DGKI: variants seen among roughly 807,000 people sequenced by gnomAD.
The protein encoded by DGKI is diacylglycerol kinase iota, also known as DAG kinase iota.
In DGKI, 55 loss-of-function variants were observed where a neutral mutation model predicts 147.5. The ratio of observed to expected loss-of-function variants is 0.37; its 90% confidence interval spans 0.30 to 0.47. DGKI has a LOEUF of 0.47. Ranked by LOEUF, DGKI falls within the 20% of genes least tolerant of loss-of-function variation. The pLI is 1.00. For synonymous variants in DGKI, 469 were observed against 477.1 expected, an observed-to-expected ratio of 0.98 and a Z score of 0.22; for missense variants, 1,007 against 1,323.8, an observed-to-expected ratio of 0.76 and a Z score of 3.71.
chr7:137,421,197 G>A (rs1328848170), intron 28 of DGKI, among the ~76,000 whole-genome samples: 1 of 152,020 alleles, frequency 6.6e-6, no homozygotes, highest in East Asian at 1.9e-4. Flanking sequence ...ATCTCACATG[G>A]CTACCTTCTC....
intron 1 of DGKI, among the ~76,000 whole-genome samples, chr7:137,693,427 T>C (rs1242966722): frequency 6.6e-6 from 1 of 152,186 alleles, no homozygotes; most frequent in Non-Finnish European, 1.5e-5. Context: ...AACTGTGAAA[T>C]AGATATGAAA....
Position 137,515,911 on chromosome 7 carries a change from G to A in DGKI, c.2248+5955C>T, listed in dbSNP as rs377025236. Among the ~76,000 whole-genome samples the A allele has an allele frequency of 9.9e-5, 15 of 152,158 alleles. No homozygotes were observed. The East Asian group carries it at 1.4e-3, about 14-fold the overall frequency. ...AAAGACAGTAAAAGAAACTAAGCAC[G>A]AAACTCTGGGTAAATGTCAAATCGT... On this transcript the variant is annotated intron_variant, in intron 21 of 32. Coordinates refer to ENST00000614521, the MANE Select transcript of DGKI (RefSeq NM_001321708.2).
intron 21 of DGKI, among the ~76,000 whole-genome samples, chr7:137,502,022 G>A (rs925847864): frequency 3.3e-5 from 5 of 152,128 alleles, no homozygotes; most frequent in South Asian, 2.1e-4. Context: ...TTAGCCTGTC[G>A]CCATTCACAT....
intron 1 of DGKI, among the ~76,000 whole-genome samples, chr7:137,776,670 G>A (rs75967976): frequency 0.013 from 2,031 of 152,228 alleles, 15 homozygotes; most frequent in Non-Finnish European, 0.021. Context: ...ATATAACCAC[G>A]CAATCGATCA....
intron 1 of DGKI, among the ~76,000 whole-genome samples, chr7:137,803,545 G>A (rs1303744233): frequency 6.6e-6 from 1 of 152,014 alleles, no homozygotes; most frequent in African/African-American, 2.4e-5. Flanking sequence ...TTTTCTTTAT[G>A]ATGTCTACTA....
intron 6 of DGKI, among the ~76,000 whole-genome samples, chr7:137,638,478 G>GTA (rs1160099687): frequency 1.6e-3 from 138 of 87,924 alleles, no homozygotes; most frequent in South Asian, 5.0e-3. Flanking sequence ...ATATATGTGT[G>GTA]TATATATATA....
intron 1 of DGKI, among the ~76,000 whole-genome samples, chr7:137,845,139 G>A (rs1798672321): frequency 6.6e-6 from 1 of 152,222 alleles, no homozygotes; most frequent in Non-Finnish European, 1.5e-5. Flanking sequence ...TCAGCGCACA[G>A]CGAACAAAAT....
chr7:137,550,902 G>C (rs567243255), intron 20 of DGKI, among the ~76,000 whole-genome samples: 2 of 152,240 alleles, frequency 1.3e-5, no homozygotes, highest in South Asian at 4.1e-4. Context: ...CAAACCCTTG[G>C]TCCATTTAAC....
intron 1 of DGKI, among the ~76,000 whole-genome samples, chr7:137,732,498 C>A (rs1048816406): frequency 1.3e-5 from 2 of 152,096 alleles, no homozygotes; most frequent in African/African-American, 4.8e-5. Flanking sequence ...GCAGCCCTAA[C>A]TGCCCTAAAC....
rs1414251185 is a variant in DGKI, at chr7:137,412,098, G to A, written c.2799+72C>T. On this transcript the variant is annotated intron_variant, in intron 29 of 32. Coordinates refer to ENST00000614521, the MANE Select transcript of DGKI (RefSeq NM_001321708.2). ...GATAAATGATAGATGGGAACATAGA[G>A]TTTTGATGAGGAATGATGTTGATTT... 2.2e-5 allele frequency: 31 copies of A among 1,401,234 alleles called. No individual in the cohort carries two copies. The East Asian group carries it at 6.6e-4, about 30-fold the overall frequency. 86.8% of individuals were successfully genotyped at this position (1,401,234 alleles called of 1,614,324 possible). A position where few individuals can be genotyped will look rare whatever the true frequency, so the allele number is the denominator to read the frequency against.
intron 15 of DGKI, among the ~76,000 whole-genome samples, chr7:137,581,335 C>G (rs117565264): frequency 1.3e-5 from 2 of 152,114 alleles, no homozygotes; most frequent in African/African-American, 4.8e-5. Flanking sequence ...ATGCTTTCAA[C>G]CTAAACTACC....
chr7:137,662,701 C>A (rs1307252712), intron 3 of DGKI, among the ~76,000 whole-genome samples: 1 of 152,160 alleles, frequency 6.6e-6, no homozygotes, highest in Admixed American at 6.5e-5. Context: ...TGCAGAGAGA[C>A]CTCACTCCAT....
At chr7:137,632,883 AAACAAACAAACG>A (rs1199230629) in intron 6 of DGKI, among the ~76,000 whole-genome samples, 2 of 149,648 alleles carry the variant, frequency 1.3e-5, no homozygotes, top group African/African-American at 5.1e-5. Flanking sequence ...ACAAACAAAC[AAACAAACAAACG>A]TGAGGCCCAG....
At chr7:137,764,323 C>G (rs769430307) in intron 1 of DGKI, among the ~76,000 whole-genome samples, 2 of 152,166 alleles carry the variant, frequency 1.3e-5, no homozygotes, top group Admixed American at 6.5e-5. Context: ...TCAGAAGGAA[C>G]TTTTACATTG....
At chr7:137,799,546 C>G (rs1453266331) in intron 1 of DGKI, among the ~76,000 whole-genome samples, 1 of 152,168 alleles carries the variant, frequency 6.6e-6, no homozygotes, top group Non-Finnish European at 1.5e-5. Flanking sequence ...AGTCCAACTC[C>G]TCATAAGAAC....
intron 30 of DGKI, among the ~76,000 whole-genome samples, chr7:137,399,070 C>T (rs1204043577): frequency 1.3e-5 from 2 of 150,658 alleles, no homozygotes; most frequent in Non-Finnish European, 2.9e-5. Context: ...CAGGCTTTCC[C>T]AGCTCTCCCT....
intron 27 of DGKI, among the ~76,000 whole-genome samples, chr7:137,450,535 A>G (rs566561792): frequency 2.0e-5 from 3 of 152,210 alleles, no homozygotes; most frequent in African/African-American, 7.2e-5. Flanking sequence ...CCTGGCCAAC[A>G]TGGTGAAACC....
At position 137,433,170 on chromosome 7, in the gene DGKI, C is replaced by T. The variant is rs1585110888; in HGVS notation, c.2761+10907G>A. ...AATATTTTAACAGCTTTATCCAGGA[C>T]AGTCCAGACCTAAGCAGCTATAATT... On this transcript the variant is annotated intron_variant, in intron 28 of 32. Coordinates refer to ENST00000614521, the MANE Select transcript of DGKI (RefSeq NM_001321708.2). Among the ~76,000 whole-genome samples, 4 of 152,284 alleles carry T rather than the reference C, an allele frequency of 2.6e-5. No individual in the cohort carries two copies. The South Asian group carries it at 8.3e-4, about 32-fold the overall frequency.
At chr7:137,784,364 A>G (rs1360416478) in intron 1 of DGKI, among the ~76,000 whole-genome samples, 1 of 152,170 alleles carries the variant, frequency 6.6e-6, no homozygotes, top group Non-Finnish European at 1.5e-5. Context: ...AACAGCAGCT[A>G]AAAAAGACAA....
Sources: gnomAD v4.1 joint callset for allele counts (sites outside exome capture counted in the v4.1 genomes callset) on GRCh38, gnomAD v4.1.1 for gene constraint, MANE v1.5 for transcripts, NCBI Gene and HGNC (gene_info 2026-07-23, HGNC 2026-07-21) for gene names.